Variants in CA10 observed in about 807,000 individuals in gnomAD.
CA10 encodes carbonic anhydrase 10 (inactive).
Under a neutral mutation model 44.2 loss-of-function variants are expected in CA10, and 14 were observed. The ratio of observed to expected loss-of-function variants is 0.32; its 90% CI spans 0.21 to 0.50. The LOEUF is 0.50. CA10 is among the 20% of genes least tolerant of loss of function. The pLI is 0.99. For synonymous variants in CA10, 159 were observed against 141.6 expected, an observed-to-expected ratio of 1.12 and a Z score of -0.87; for missense variants, 350 against 409.7, an observed-to-expected ratio of 0.85 and a Z score of 1.26.
At chr17:51,808,275 T>G (rs1357805195) in intron 3 of CA10, among the ~76,000 whole-genome samples, 1 of 152,078 alleles carries the variant, frequency 6.6e-6, no homozygotes, top group Non-Finnish European at 1.5e-5. Flanking sequence ...AATAAATGTT[T>G]ATCTAATGGG....
chr17:52,083,585 T>C lies in CA10; in HGVS notation c.62-11192A>G, dbSNP rs553531428. ...CCCCTCACTCTCCCACCCTTCCAAGTCTCCAATGTCTATTATTCCACTATG... is the reference window on the plus strand; with the variant it reads ...CCCCTCACTCTCCCACCCTTCCAAGCCTCCAATGTCTATTATTCCACTATG... On this transcript the variant is annotated intron_variant, in intron 1 of 8. Coordinates refer to ENST00000451037, the MANE Select transcript of CA10 (RefSeq NM_020178.5). 6.6e-4 allele frequency among the ~76,000 whole-genome samples: 100 copies of C among 152,222 alleles called. No homozygotes were observed. The Middle Eastern group carries it at 0.017, about 26-fold the overall frequency.
intron 2 of CA10, among the ~76,000 whole-genome samples, chr17:51,951,652 C>T (rs965609396): frequency 7.9e-5 from 12 of 152,104 alleles, no homozygotes; most frequent in African/African-American, 2.9e-4. Flanking sequence ...TTGCTCTATG[C>T]CTATTAAACA....
intron 3 of CA10, among the ~76,000 whole-genome samples, chr17:51,902,140 G>A (rs958492877): frequency 6.6e-6 from 1 of 152,106 alleles, no homozygotes; most frequent in Non-Finnish European, 1.5e-5. Flanking sequence ...CAGACGATGT[G>A]CAATTTCATT....
In CA10 at chr17:51,936,896, GT is replaced by G. The variant is rs1418674012; in HGVS notation, c.137-5765del. Among the ~76,000 whole-genome samples, 5 of 152,228 alleles carry G rather than the reference GT, an allele frequency of 3.3e-5. No homozygotes were observed. In the East Asian group the frequency reaches 9.7e-4, roughly 30 times the overall value. ...AATTTAATCCTATTGCTTTTGGTGT[GT>G]TTAAATTCTATTTCAAAGGCAGAAC... On this transcript the variant is annotated intron_variant, in intron 2 of 8. Transcript: ENST00000451037.
chr17:51,973,865 T>C (rs1472387632), intron 2 of CA10, among the ~76,000 whole-genome samples: 1 of 152,190 alleles, frequency 6.6e-6, no homozygotes, highest in Admixed American at 6.5e-5. Context: ...CAGGAAAATA[T>C]GACACATAAT....
chr17:51,852,814 T>C (rs1978854242), intron 3 of CA10, among the ~76,000 whole-genome samples: 1 of 152,228 alleles, frequency 6.6e-6, no homozygotes. Flanking sequence ...CTCAGCACAA[T>C]GTTTGCCACA....
intron 2 of CA10, among the ~76,000 whole-genome samples, chr17:51,957,759 C>T (rs1450303675): frequency 6.6e-6 from 1 of 152,128 alleles, no homozygotes; most frequent in African/African-American, 2.4e-5. Context: ...TTCTGCTCTC[C>T]TAGAGTGCCA....
intron 3 of CA10, among the ~76,000 whole-genome samples, chr17:51,815,539 G>T (rs1453933204): frequency 6.6e-6 from 1 of 152,138 alleles, no homozygotes; most frequent in Non-Finnish European, 1.5e-5. Context: ...GTCACTTAGT[G>T]CCTGGCAGTG....
At chr17:51,878,669 T>C (rs897162776) in intron 3 of CA10, among the ~76,000 whole-genome samples, 4 of 151,624 alleles carry the variant, frequency 2.6e-5, no homozygotes, top group Non-Finnish European at 4.4e-5. Flanking sequence ...TTCATTTTAA[T>C]TACTCAATCA....
intron 3 of CA10, among the ~76,000 whole-genome samples, chr17:51,752,116 G>A (rs1407531645): frequency 1.3e-5 from 2 of 151,894 alleles, no homozygotes; most frequent in East Asian, 1.9e-4. Flanking sequence ...CATAGATACC[G>A]AAATAACATT....
At chr17:52,152,283 A>C (rs1464733426) in intron 1 of CA10, among the ~76,000 whole-genome samples, 1 of 152,174 alleles carries the variant, frequency 6.6e-6, no homozygotes, top group East Asian at 1.9e-4. Context: ...TCCTTAATAC[A>C]AAAACGAAAG....
At chr17:52,086,089 T>G (rs1988109818) in intron 1 of CA10, among the ~76,000 whole-genome samples, 1 of 152,224 alleles carries the variant, frequency 6.6e-6, no homozygotes, top group African/African-American at 2.4e-5. Flanking sequence ...CTCATTATGT[T>G]TGCATACTCA....
chr17:52,081,724 T>C lies in CA10; in HGVS notation c.62-9331A>G, dbSNP rs570684323. Among the ~76,000 whole-genome samples the C allele has an allele frequency of 4.0e-3, 555 of 139,936 alleles. 6 individuals carry two copies. The highest frequency in any genetic ancestry group is 0.03 in the South Asian group (134 of 4,476). The allele number at this position is 139,936 out of a possible 152,430, so 91.8% of individuals were successfully genotyped here. A position where few individuals can be genotyped will look rare whatever the true frequency, so the allele number is the denominator to read the frequency against. ...CTGAGGCAGGAGAATGGCGTTAACC[T>C]GGGAGGCGGAGCTTGCAGTGAGCCG... is the stretch of plus-strand genomic sequence containing the variant. On this transcript the variant is annotated intron_variant, in intron 1 of 8. Coordinates refer to ENST00000451037, the MANE Select transcript of CA10 (RefSeq NM_020178.5).
chr17:52,059,466 T>C (rs1255293974), intron 2 of CA10, among the ~76,000 whole-genome samples: 1 of 151,996 alleles, frequency 6.6e-6, no homozygotes, highest in Non-Finnish European at 1.5e-5. Context: ...AGGAAGACAA[T>C]TGATAACAAA....
intron 6 of CA10, among the ~76,000 whole-genome samples, chr17:51,640,755 C>T (rs1913046353): frequency 3.9e-5 from 6 of 152,190 alleles, no homozygotes; most frequent in Admixed American, 3.9e-4. Context: ...GCTAACTAGG[C>T]CAGGAACTAG....
chr17:52,041,457 CA>C (rs1986766551), intron 2 of CA10, among the ~76,000 whole-genome samples: 1 of 151,932 alleles, frequency 6.6e-6, no homozygotes. Context: ...GTATAATTGA[CA>C]AATAAAAATT....
rs182325768 is a variant in CA10 at position 51,770,414 on chromosome 17, C to G, written c.280-22596G>C. Among the ~76,000 whole-genome samples the G allele has an allele frequency of 4.6e-5, 7 of 151,782 alleles. No individual in the cohort carries two copies. In the South Asian group the frequency reaches 1.3e-3, roughly 27 times the overall value. On this transcript the variant is annotated intron_variant, in intron 3 of 8. Coordinates refer to ENST00000451037, the MANE Select transcript of CA10 (RefSeq NM_020178.5). ...GGAGACACAAACCCTCCCCCGAGAC[C>G]CTAGGCTTGGAGGGGCACGAAATAA... is the stretch of plus-strand genomic sequence containing the variant.
chr17:52,110,969 C>T (rs1988777599), intron 1 of CA10, among the ~76,000 whole-genome samples: 1 of 152,192 alleles, frequency 6.6e-6, no homozygotes, highest in African/African-American at 2.4e-5. Context: ...ATATTTGTAT[C>T]ATTCTATGTC....
intron 2 of CA10, among the ~76,000 whole-genome samples, chr17:51,969,412 T>C (rs937203773): frequency 6.6e-6 from 1 of 152,076 alleles, no homozygotes; most frequent in African/African-American, 2.4e-5. Context: ...ACTGTGCGTC[T>C]GAGTCCAGAT....
Sources: allele counts gnomAD v4.1 joint callset (sites outside exome capture counted in the v4.1 genomes callset), GRCh38; gene constraint gnomAD v4.1.1; transcripts MANE v1.5; gene names NCBI Gene and HGNC (gene_info 2026-07-23, HGNC 2026-07-21).